The following DNAJC1 variants were observed in gnomAD, a reference collection of about 807,000 sequenced individuals.
The protein encoded by DNAJC1 is dnaJ homolog subfamily C member 1.
In DNAJC1, 58 loss-of-function variants were observed where a neutral mutation model predicts 76.6. The ratio of observed to expected loss-of-function variants is 0.76; its 90% CI spans 0.61 to 0.94. DNAJC1 has a LOEUF of 0.94. DNAJC1 is among the 40% of genes least tolerant of loss of function. The pLI is 0.00. For missense variants in DNAJC1, 689 were observed against 677.3 expected, an observed-to-expected ratio of 1.02 and a Z score of -0.19; for synonymous variants, 258 against 267.9, an observed-to-expected ratio of 0.96 and a Z score of 0.36.
At position 22,003,340 on chromosome 10, in the gene DNAJC1, A is replaced by G. The variant is rs1838557927; in HGVS notation, c.95T>C (p.Leu32Pro). The G allele has an allele frequency of 6.9e-7, 1 of 1,452,392 alleles. No homozygotes were observed. The highest frequency in any genetic ancestry group is 1.5e-5 in the African/African-American group (1 of 66,758). The allele number at this position is 1,452,392 out of a possible 1,614,324, so 90.0% of individuals were successfully genotyped here. The change falls in exon 1 of 12, where the codon CTG (leucine) becomes CCG (proline). Residue 32 changes from leucine (L) to proline (P), a missense_variant. Leu to Pro is a moderately conservative substitution (Grantham distance 98). Transcript: ENST00000376980. ...GGCCAGCAGCAGCAGCAGCAGCCAC[A>G]GCAGCGGCGTCCGCGGCGGCGGCGG... is the stretch of plus-strand genomic sequence containing the variant. ...FPPPPPRTPL[L>P]WLLLLLLAAV...
intron 10 of DNAJC1, among the ~76,000 whole-genome samples, chr10:21,762,600 T>G (rs1355356316): frequency 2.0e-5 from 3 of 152,226 alleles, no homozygotes; most frequent in Non-Finnish European, 4.4e-5. Context: ...TCTTGCAAAC[T>G]AAATAGAAAG....
intron 1 of DNAJC1, among the ~76,000 whole-genome samples, chr10:21,993,687 A>C (rs1838365070): frequency 6.6e-6 from 1 of 152,060 alleles, no homozygotes; most frequent in African/African-American, 2.4e-5. Context: ...CCTCAGTGGT[A>C]TTCTCAGCTA....
intron 7 of DNAJC1, among the ~76,000 whole-genome samples, chr10:21,890,421 CA>C (rs1007952107): frequency 0.13 from 7,107 of 52,718 alleles, 532 homozygotes; most frequent in African/African-American, 0.31. Flanking sequence ...TCCCCCCCTA[CA>C]AAAAAAAAAA....
intron 9 of DNAJC1, among the ~76,000 whole-genome samples, chr10:21,777,309 T>C (rs1375537166): frequency 2.6e-5 from 4 of 152,180 alleles, no homozygotes; most frequent in Non-Finnish European, 5.9e-5. Flanking sequence ...AAAGACTATA[T>C]AAGAATCTTA....
chr10:21,918,951 TA>T, intron 5 of DNAJC1, 79 bp from the exon 6 acceptor site: 1 of 971,150 alleles, frequency 1.0e-6, no homozygotes, highest in East Asian at 2.5e-5. Flanking sequence ...AATAATTCTA[TA>T]AAGATCATGA....
chr10:21,757,960 T>C (rs1834195181), intron 11 of DNAJC1, among the ~76,000 whole-genome samples: 1 of 152,190 alleles, frequency 6.6e-6, no homozygotes, highest in Admixed American at 6.5e-5. Context: ...TGTGGACTCA[T>C]CACACATGAA....
chr10:21,891,598 CA>C (rs1354549386), intron 7 of DNAJC1, among the ~76,000 whole-genome samples: 1 of 151,208 alleles, frequency 6.6e-6, no homozygotes, highest in East Asian at 1.9e-4. Flanking sequence ...AGTAGAAGTA[CA>C]ATTCAAATGA....
intron 1 of DNAJC1, among the ~76,000 whole-genome samples, chr10:21,956,131 G>C (rs1418313144): frequency 6.6e-6 from 1 of 152,140 alleles, no homozygotes; most frequent in African/African-American, 2.4e-5. Flanking sequence ...CTTCTGGCAA[G>C]AGCCTTTCGC....
chr10:21,779,950 A>G (rs1261779942), intron 9 of DNAJC1, among the ~76,000 whole-genome samples: 1 of 152,226 alleles, frequency 6.6e-6, no homozygotes, highest in East Asian at 1.9e-4. Context: ...TGATGCATGC[A>G]CAAGTTTCAG....
At chr10:21,957,662 T>G (rs1837712854) in intron 1 of DNAJC1, among the ~76,000 whole-genome samples, 1 of 152,194 alleles carries the variant, frequency 6.6e-6, no homozygotes, top group Non-Finnish European at 1.5e-5. Context: ...TCATCTTTTT[T>G]CCTTTTCAGT....
rs951354726 is a variant in DNAJC1, at chr10:21,969,501, A to C, written c.222+33712T>G. Among the ~76,000 whole-genome samples, 7 of 152,200 alleles carry C rather than the reference A, an allele frequency of 4.6e-5. No homozygotes were observed. In the East Asian group the frequency reaches 1.3e-3, roughly 29 times the overall value. On this transcript the variant is annotated intron_variant, in intron 1 of 11. Transcript: ENST00000376980. The stretch of plus-strand genomic sequence containing the variant: ...ACTGAACACCAATGACTGAGTCAAA[A>C]AGTGATTCAAATGAGTCGGACTCTG...
rs1383686958 is a variant in DNAJC1 at position 21,774,031 on chromosome 10, C to T, written c.1099-7722G>A. On this transcript the variant is annotated intron_variant, in intron 9 of 11. Coordinates refer to ENST00000376980, the MANE Select transcript of DNAJC1 (RefSeq NM_022365.4). The stretch of plus-strand genomic sequence containing the variant: ...TGGCGGGCGCCTGTAGTCCCAGCTA[C>T]TTGGGAGGCTGAGGCAGGAGAATGG... Among the ~76,000 whole-genome samples, 3 of 147,368 alleles carry T rather than the reference C, an allele frequency of 2.0e-5. No homozygotes were observed. The East Asian group carries it at 6.0e-4, about 29-fold the overall frequency.
chr10:22,003,017 T>C (rs571540501), intron 1 of DNAJC1, among the ~76,000 whole-genome samples, 196 bp downstream of exon 1: 10 of 152,156 alleles, frequency 6.6e-5, no homozygotes, highest in South Asian at 2.1e-4. Flanking sequence ...ACTAGAAAAG[T>C]TGAAGCAGGA....
intron 8 of DNAJC1, among the ~76,000 whole-genome samples, chr10:21,852,043 ACT>A (rs1409181450): frequency 6.6e-6 from 1 of 151,580 alleles, no homozygotes; most frequent in African/African-American, 2.4e-5. Context: ...ACAGAGTGAG[ACT>A]CTGTCTCAAA....
At chr10:21,955,008 G>T (rs1837655560) in intron 1 of DNAJC1, among the ~76,000 whole-genome samples, 1 of 151,994 alleles carries the variant, frequency 6.6e-6, no homozygotes, top group African/African-American at 2.4e-5. Context: ...CTTGCTGTAG[G>T]AGGCTGTTCT....
intron 1 of DNAJC1, among the ~76,000 whole-genome samples, chr10:21,939,161 T>C (rs1283570658): frequency 6.6e-6 from 1 of 152,172 alleles, no homozygotes; most frequent in Non-Finnish European, 1.5e-5. Context: ...AGTGCTGGGA[T>C]TACAGGAGTG....
At position 22,003,476 on chromosome 10, in the gene DNAJC1, G is replaced by C; in HGVS notation, c.-42C>G. On this transcript the variant is annotated 5_prime_UTR_variant, in exon 1 of 12. Transcript: ENST00000376980. The stretch of plus-strand genomic sequence containing the variant: ...AGGTCACCCGCCGCGCAGCTCCGTT[G>C]GCCGAGAGCTGGGACGTGGCGGGCG... The C allele has an allele frequency of 7.5e-7, 1 of 1,326,052 alleles. No homozygotes were observed. The highest frequency in any genetic ancestry group is 9.6e-7 in the Non-Finnish European group (1 of 1,044,660). The allele number at this position is 1,326,052 out of a possible 1,614,324, so 82.1% of individuals were successfully genotyped here. A position where few individuals can be genotyped will look rare whatever the true frequency, so the allele number is the denominator to read the frequency against.
intron 9 of DNAJC1, among the ~76,000 whole-genome samples, chr10:21,792,714 G>A (rs577972963): frequency 6.7e-6 from 1 of 149,586 alleles, no homozygotes; most frequent in African/African-American, 2.5e-5. Context: ...AGCTGAGATC[G>A]TGCCACTGCT....
chr10:21,858,168 T>C (rs1835868666), intron 8 of DNAJC1, among the ~76,000 whole-genome samples: 1 of 152,150 alleles, frequency 6.6e-6, no homozygotes, highest in Non-Finnish European at 1.5e-5. Flanking sequence ...TTTTTTTATG[T>C]GTTACATCAT....
Sources: allele counts gnomAD v4.1 joint callset (sites outside exome capture counted in the v4.1 genomes callset), GRCh38; gene constraint gnomAD v4.1.1; transcripts MANE v1.5; gene names NCBI Gene and HGNC (gene_info 2026-07-23, HGNC 2026-07-21).